CLVS1: variants seen among roughly 807,000 people sequenced by gnomAD.
CLVS1 encodes the protein clavesin 1.
Under a neutral mutation model 33.1 loss-of-function variants are expected in CLVS1, and 10 were observed. That is an observed-to-expected ratio of 0.30 (90% CI 0.19 to 0.51). The LOEUF (loss-of-function observed/expected upper bound fraction) is 0.51, where lower values mean the gene tolerates loss of function less well. Ranked by LOEUF, CLVS1 falls within the 20% of genes least tolerant of loss-of-function variation. The pLI, the probability that CLVS1 is intolerant of heterozygous loss-of-function variation, is 0.97. For missense variants in CLVS1, 343 were observed against 433.4 expected, an observed-to-expected ratio of 0.79 and a Z score of 1.85; for synonymous variants, 163 against 166.1, an observed-to-expected ratio of 0.98 and a Z score of 0.14.
chr8:61,474,938 C>CT (rs1817862443), intron 5 of CLVS1, among the ~76,000 whole-genome samples: 2 of 152,114 alleles, frequency 1.3e-5, no homozygotes, highest in African/African-American at 4.8e-5. Context: ...TAATGCTATC[C>CT]CTCCCCACTG....
chr8:61,041,640 G>A, the CLVS1 span, among the ~76,000 whole-genome samples: 1 of 152,094 alleles, frequency 6.6e-6, no homozygotes, highest in African/African-American at 2.4e-5. Flanking sequence ...AATGTTATCA[G>A]TGTATATAAA....
intron 2 of CLVS1, among the ~76,000 whole-genome samples, chr8:61,356,734 G>A (rs1246913636): frequency 6.6e-6 from 1 of 152,102 alleles, no homozygotes; most frequent in East Asian, 1.9e-4. Context: ...TAGATGTGCG[G>A]CATTATTTCT....
chr8:61,268,773 A>G (rs1279628340), intron 2 of CLVS1, among the ~76,000 whole-genome samples: 1 of 110,416 alleles, frequency 9.1e-6, no homozygotes, highest in Non-Finnish European at 1.8e-5. Flanking sequence ...GCCAGTGATG[A>G]TGAGCATTTT....
intron 5 of CLVS1, among the ~76,000 whole-genome samples, chr8:61,485,685 A>G (rs1210254131): frequency 2.0e-5 from 3 of 152,262 alleles, no homozygotes; most frequent in South Asian, 2.1e-4. Context: ...GCAAAGACTT[A>G]GAACCAATCC....
the CLVS1 span, among the ~76,000 whole-genome samples, chr8:60,994,841 C>G: frequency 6.6e-6 from 1 of 151,948 alleles, no homozygotes; most frequent in Non-Finnish European, 1.5e-5. Flanking sequence ...CAGAACAGAG[C>G]CCTCAGAAAT....
intron 3 of CLVS1, among the ~76,000 whole-genome samples, chr8:61,451,812 C>CACAGAGAGAGAGAGAG (rs375319471): frequency 5.6e-5 from 8 of 142,936 alleles, no homozygotes; most frequent in African/African-American, 2.1e-4. Context: ...CACACACACA[C>CACAGAGAGAGAGAGAG]AGAGAGAGAG....
At chr8:60,979,109 G>C in the CLVS1 span, among the ~76,000 whole-genome samples, 1 of 152,188 alleles carries the variant, frequency 6.6e-6, no homozygotes, top group Non-Finnish European at 1.5e-5. Context: ...AGAGTGGAGA[G>C]AGCATTGGAC....
At chr8:61,107,994 A>G (rs530213022) in intron 1 of CLVS1, among the ~76,000 whole-genome samples, 9 of 152,132 alleles carry the variant, frequency 5.9e-5, no homozygotes, top group African/African-American at 2.2e-4. Flanking sequence ...ATAGCCAGGC[A>G]CAGTGGCTCA....
chr8:61,156,851 T>A (rs1391574288), intron 2 of CLVS1, among the ~76,000 whole-genome samples: 1 of 152,178 alleles, frequency 6.6e-6, no homozygotes, highest in Admixed American at 6.5e-5. Context: ...CATAAAAAAC[T>A]CTCAATGTAT....
intron 2 of CLVS1, among the ~76,000 whole-genome samples, chr8:61,172,764 A>G (rs1211378987): frequency 7.0e-6 from 1 of 143,572 alleles, no homozygotes; most frequent in Non-Finnish European, 1.6e-5. Context: ...AGTCTCCTCC[A>G]AAGGAAGTCA....
At chr8:61,244,354 T>G (rs1167112216) in intron 2 of CLVS1, among the ~76,000 whole-genome samples, 1 of 152,168 alleles carries the variant, frequency 6.6e-6, no homozygotes, top group Non-Finnish European at 1.5e-5. Context: ...AAGCATACTC[T>G]CCATAAAAAA....
chr8:61,402,255 T>C (rs1814799040), intron 3 of CLVS1, among the ~76,000 whole-genome samples: 1 of 152,030 alleles, frequency 6.6e-6, no homozygotes, highest in African/African-American at 2.4e-5. Context: ...GAAAAATGAT[T>C]GGCAAATTAA....
At chr8:61,308,011 CT>C (rs1810691854) in intron 2 of CLVS1, among the ~76,000 whole-genome samples, 1 of 152,186 alleles carries the variant, frequency 6.6e-6, no homozygotes, top group Non-Finnish European at 1.5e-5. Flanking sequence ...TTTCCTTTGG[CT>C]TCAGGCTCCA....
At chr8:61,322,040 C>T (rs931834159) in intron 2 of CLVS1, among the ~76,000 whole-genome samples, 2 of 152,064 alleles carry the variant, frequency 1.3e-5, no homozygotes, top group Admixed American at 6.6e-5. Flanking sequence ...TTCACCTGTA[C>T]CCTAGCTCCA....
intron 2 of CLVS1, among the ~76,000 whole-genome samples, chr8:61,270,189 T>C (rs1488987509): frequency 6.6e-6 from 1 of 152,212 alleles, no homozygotes; most frequent in Non-Finnish European, 1.5e-5. Flanking sequence ...ATACGTCCCA[T>C]CAGTACCTAA....
intron 2 of CLVS1, among the ~76,000 whole-genome samples, chr8:61,234,342 C>G (rs914763753): frequency 2.0e-5 from 3 of 152,190 alleles, no homozygotes; most frequent in African/African-American, 7.2e-5. Flanking sequence ...GCACAGGAGG[C>G]TGTATCCCCT....
the CLVS1 span, among the ~76,000 whole-genome samples, chr8:60,983,223 T>A: frequency 1.3e-5 from 2 of 152,176 alleles, no homozygotes; most frequent in African/African-American, 4.8e-5. Context: ...TAAGCAACAC[T>A]GGAATTCTGA....
At chr8:61,258,810 A>T (rs1001489864) in intron 2 of CLVS1, among the ~76,000 whole-genome samples, 1 of 152,216 alleles carries the variant, frequency 6.6e-6, no homozygotes, top group Non-Finnish European at 1.5e-5. Context: ...CATAATTAAC[A>T]TAATTAACAT....
At chr8:61,274,443 A>C (rs1809525255) in intron 2 of CLVS1, among the ~76,000 whole-genome samples, 1 of 152,140 alleles carries the variant, frequency 6.6e-6, no homozygotes, top group African/African-American at 2.4e-5. Flanking sequence ...CTGGTGAATC[A>C]CTTAACCAAG....
Sources: allele counts gnomAD v4.1 joint callset (sites outside exome capture counted in the v4.1 genomes callset), GRCh38; gene constraint gnomAD v4.1.1; transcripts MANE v1.5; gene names NCBI Gene and HGNC (gene_info 2026-07-23, HGNC 2026-07-21).